Variants in EPS15L1 observed in about 807,000 individuals in gnomAD.
The protein encoded by EPS15L1 is epidermal growth factor receptor substrate 15-like 1.
In EPS15L1, 43 loss-of-function variants were observed where a neutral mutation model predicts 117.1. The observed-to-expected ratio is 0.37, with a 90% CI of 0.29 to 0.47. EPS15L1 has a LOEUF of 0.47. EPS15L1 is among the 20% of genes least tolerant of loss of function. EPS15L1 has a pLI of 0.99. For missense variants in EPS15L1, 981 were observed against 1,164.0 expected (o/e 0.84, Z 2.29); for synonymous variants, 459 against 470.5 (o/e 0.98, Z 0.32).
At chr19:16,455,853 T>A (rs2093190101) in intron 1 of EPS15L1, among the ~76,000 whole-genome samples, 1 of 151,964 alleles carries the variant, frequency 6.6e-6, no homozygotes, top group South Asian at 2.1e-4. Flanking sequence ...CCCAGAAACA[T>A]CCCTCCATCT....
chr19:16,376,922 G>A (rs374624461), intron 22 of EPS15L1, among the ~76,000 whole-genome samples, 200 bp downstream of exon 22: 1 of 152,228 alleles, frequency 6.6e-6, no homozygotes, highest in Non-Finnish European at 1.5e-5. Context: ...GACGGGGCGA[G>A]GGCGGGCAGG....
chr19:16,440,736 G>A, intron 4 of EPS15L1, 126 bp downstream of exon 4: 1 of 776,068 alleles, frequency 1.3e-6, no homozygotes, highest in Non-Finnish European at 2.1e-6. Context: ...CCCGTGTTAA[G>A]TTTGACAGCC....
intron 19 of EPS15L1, among the ~76,000 whole-genome samples, chr19:16,390,049 C>G (rs1250965075): frequency 6.6e-6 from 1 of 151,766 alleles, no homozygotes. Flanking sequence ...TGTTAATGGA[C>G]TAAACATTAC....
intron 12 of EPS15L1, among the ~76,000 whole-genome samples, chr19:16,414,942 AC>A (rs2092743921): frequency 6.6e-6 from 1 of 151,984 alleles, no homozygotes. Flanking sequence ...CCTGGGCTCA[AC>A]CGATCCTCTT....
At position 16,370,992 on chromosome 19, in the gene EPS15L1, C is replaced by T. The variant is rs1051221906; in HGVS notation, c.2380+6130G>A. 3.9e-5 allele frequency among the ~76,000 whole-genome samples: 6 copies of T among 152,182 alleles called. No individual in the cohort carries two copies. Among genetic ancestry groups the T allele is most frequent in the Non-Finnish European group, 8.8e-5 (6 of 68,038 alleles). Reference sequence around the variant, plus strand: ...CCCTTGAGATGGTGGAACCACTTGTCCCATTGTAGAATTTCACATGTACCC... The same window carrying T: ...CCCTTGAGATGGTGGAACCACTTGTTCCATTGTAGAATTTCACATGTACCC... On this transcript the variant is annotated intron_variant, in intron 22 of 23. Coordinates refer to ENST00000455140, the MANE Select transcript of EPS15L1 (RefSeq NM_001258374.3). This position sits in a 1 kb window ranked among gnomAD's most constrained non-coding sequence, Gnocchi z 5.2.
At chr19:16,460,406 G>C (rs956310105) in intron 1 of EPS15L1, among the ~76,000 whole-genome samples, 4 of 152,202 alleles carry the variant, frequency 2.6e-5, no homozygotes, top group Admixed American at 2.6e-4. Context: ...GTGAATTAAA[G>C]GACATTTTAA....
intron 13 of EPS15L1, among the ~76,000 whole-genome samples, chr19:16,406,182 C>T (rs2092654717): frequency 6.6e-6 from 1 of 152,166 alleles, no homozygotes; most frequent in African/African-American, 2.4e-5. Context: ...ACTATGGGGA[C>T]AAAAACATCC....
At chr19:16,462,318 G>A (rs1322825697) in intron 1 of EPS15L1, among the ~76,000 whole-genome samples, 1 of 151,302 alleles carries the variant, frequency 6.6e-6, no homozygotes, top group South Asian at 2.1e-4. Flanking sequence ...GTACCACCAG[G>A]GCTGGGGTCC....
At chr19:16,433,666 C>G (rs1193817643) in intron 7 of EPS15L1, among the ~76,000 whole-genome samples, 1 of 149,940 alleles carries the variant, frequency 6.7e-6, no homozygotes, top group Non-Finnish European at 1.5e-5. Flanking sequence ...TCTAAAAACT[C>G]AAAAAAAGAA....
rs767752550 is a variant in EPS15L1 at position 16,377,123 on chromosome 19, G to A, written c.2379C>T (p.Ser793=). The stretch of plus-strand genomic sequence containing the variant: ...TGCGAGAGAAGAAAGCTTACTGACC[G>A]CTGGGCGGTTTAGGCCGTGGAGGAG... ...KPAPPRPKPP[S]GKSTPVSQLG... The change falls in exon 22 of 24, where the codon AGC becomes AGT. Residue 793 remains serine (S), a splice_region_variant and synonymous_variant. Coordinates refer to ENST00000455140, the MANE Select transcript of EPS15L1 (RefSeq NM_001258374.3). The A allele has an allele frequency of 6.9e-6, 11 of 1,598,680 alleles. No homozygotes were observed. The highest frequency in any genetic ancestry group is 3.6e-5 in the Admixed American group (2 of 55,874).
intron 9 of EPS15L1, among the ~76,000 whole-genome samples, chr19:16,422,423 T>A (rs1032214111): frequency 2.6e-5 from 4 of 152,052 alleles, no homozygotes; most frequent in Admixed American, 6.6e-5. Context: ...CCTTTTTTTT[T>A]AAATATTTAC....
intron 1 of EPS15L1, among the ~76,000 whole-genome samples, chr19:16,465,995 T>TA (rs2093301757): frequency 6.7e-6 from 1 of 150,158 alleles, no homozygotes; most frequent in Non-Finnish European, 1.5e-5. Flanking sequence ...TATTTTTTTT[T>TA]TTTTTTTTTT....
Position 16,421,462 on chromosome 19 carries a change from C to T in EPS15L1, c.807G>A (p.Trp269Ter). 6.2e-7 allele frequency: 1 copy of T among 1,612,892 alleles called. No individual in the cohort carries two copies. Among genetic ancestry groups the T allele is most frequent in the Non-Finnish European group, 8.5e-7 (1 of 1,178,914 alleles). The change falls in exon 10 of 24, where the codon TGG becomes TGA. Residue 269 changes from tryptophan to a stop codon, truncating the protein, a stop_gained. Coordinates refer to ENST00000455140, the MANE Select transcript of EPS15L1 (RefSeq NM_001258374.3). LOFTEE classifies it high-confidence loss of function. Reference sequence around the variant, plus strand: ...GCATCTTGTCTGCCACGGGCACCACCCAGTTCACTGTTGGCTGAAACAGTT... The same window carrying T: ...GCATCTTGTCTGCCACGGGCACCACTCAGTTCACTGTTGGCTGAAACAGTT... The part of the protein sequence containing the change: ...SLKQTQPTVN[W>*]VVPVADKMRF...
intron 10 of EPS15L1, among the ~76,000 whole-genome samples, chr19:16,419,920 TGTGGAAG>T (rs1011597095): frequency 3.0e-4 from 45 of 152,222 alleles, no homozygotes; most frequent in African/African-American, 1.1e-3. Context: ...AAGGCCCACC[TGTGGAAG>T]GTTCTGAGAG....
intron 19 of EPS15L1, among the ~76,000 whole-genome samples, 169 bp from the exon 20 acceptor site, chr19:16,386,400 C>T (rs1016071620): frequency 1.3e-5 from 2 of 152,226 alleles, no homozygotes; most frequent in African/African-American, 2.4e-5. Flanking sequence ...CAGATCAACC[C>T]TCCTGCAGAT....
rs2091966762 is a variant in EPS15L1 at position 16,355,320 on chromosome 19, G to C, written c.*385C>G. The stretch of plus-strand genomic sequence containing the variant: ...AACGAGTGCATACACCACTGGGGGA[G>C]TGTCTGACTGATGCGTGGGAGGGCG... On this transcript the variant is annotated 3_prime_UTR_variant, in exon 24 of 24. Coordinates refer to ENST00000455140, the MANE Select transcript of EPS15L1 (RefSeq NM_001258374.3). The C allele has an allele frequency of 9.3e-6, 2 of 214,960 alleles. No individual in the cohort carries two copies. The highest frequency in any genetic ancestry group is 1.2e-4 in the Admixed American group (2 of 16,784). The allele number at this position is 214,960 out of a possible 1,614,324, so 13.3% of individuals were successfully genotyped here.
intron 18 of EPS15L1, among the ~76,000 whole-genome samples, chr19:16,393,195 G>A (rs1241615633): frequency 6.6e-6 from 1 of 151,730 alleles, no homozygotes; most frequent in Non-Finnish European, 1.5e-5. Flanking sequence ...GAGGGAATGG[G>A]GAGTGACTGC....
At chr19:16,457,288 G>A (rs2093206947) in intron 1 of EPS15L1, among the ~76,000 whole-genome samples, 1 of 152,204 alleles carries the variant, frequency 6.6e-6, no homozygotes, top group African/African-American at 2.4e-5. Flanking sequence ...CAGCCTCATG[G>A]AGCTGTGACA....
intron 4 of EPS15L1, 179 bp downstream of exon 4, chr19:16,440,683 G>A (rs568497485): frequency 4.8e-4 from 241 of 498,488 alleles, no homozygotes; most frequent in African/African-American, 4.6e-3. Context: ...CATGAAAGAT[G>A]GCTCCAAGTG....
Sources: allele counts gnomAD v4.1 joint callset (sites outside exome capture counted in the v4.1 genomes callset), GRCh38; gene constraint gnomAD v4.1.1; non-coding constraint Gnocchi (gnomAD v3.1); transcripts MANE v1.5; gene names NCBI Gene and HGNC (gene_info 2026-07-23, HGNC 2026-07-21).